The following RPRD1A variants were observed in gnomAD, a reference collection of about 807,000 sequenced individuals.
RPRD1A encodes the protein regulation of nuclear pre-mRNA domain containing 1A, also known as regulation of nuclear pre-mRNA domain-containing protein 1A.
A neutral mutation model predicts 37.8 loss-of-function variants in RPRD1A; 9 were observed. The ratio of observed to expected loss-of-function variants is 0.24; its 90% CI spans 0.14 to 0.42. RPRD1A has a LOEUF of 0.42. Among genes scored for constraint, RPRD1A ranks in the 10% least tolerant of loss-of-function variants. The probability of loss-of-function intolerance (pLI) is 1.00; values close to 1 mark genes in which losing one functional copy is unlikely to be tolerated. For missense variants in RPRD1A, 255 were observed against 371.0 expected (o/e 0.69, Z 2.57); for synonymous variants, 138 against 139.7 (o/e 0.99, Z 0.08).
At chr18:36,019,604 T>G (rs1046933266) in intron 6 of RPRD1A, among the ~76,000 whole-genome samples, 1 of 152,156 alleles carries the variant, frequency 6.6e-6, no homozygotes, top group Admixed American at 6.5e-5. Context: ...AATTAAGACA[T>G]AAAAAGTCTT....
intron 6 of RPRD1A, among the ~76,000 whole-genome samples, chr18:35,994,527 G>A (rs1292887252): frequency 1.3e-5 from 2 of 152,220 alleles, no homozygotes; most frequent in East Asian, 1.9e-4. Context: ...TGAGGGTTCA[G>A]GCTTCATAAG....
chr18:36,058,182 A>G (rs1164110144), intron 1 of RPRD1A, among the ~76,000 whole-genome samples: 3 of 152,136 alleles, frequency 2.0e-5, no homozygotes, highest in Non-Finnish European at 4.4e-5. Flanking sequence ...AGCTGGGACT[A>G]CAGTCATGCA....
intron 6 of RPRD1A, among the ~76,000 whole-genome samples, chr18:35,998,839 G>A (rs991664738): frequency 6.6e-6 from 1 of 152,194 alleles, no homozygotes; most frequent in Non-Finnish European, 1.5e-5. Flanking sequence ...AAGGGCAGAA[G>A]CCTTCTTTAC....
At chr18:36,059,489 A>G (rs1438374096) in intron 1 of RPRD1A, among the ~76,000 whole-genome samples, 4 of 152,194 alleles carry the variant, frequency 2.6e-5, no homozygotes, top group Non-Finnish European at 5.9e-5. Flanking sequence ...TTAGTATTAT[A>G]GTTTTAAAAC....
chr18:36,009,661 AT>A (rs1244623880), intron 6 of RPRD1A, among the ~76,000 whole-genome samples: 22 of 152,298 alleles, frequency 1.4e-4, no homozygotes, highest in African/African-American at 4.8e-4. Flanking sequence ...ATCAATACTT[AT>A]CTTTTTGGCA....
intron 6 of RPRD1A, 85 bp from the exon 7 acceptor site, chr18:35,993,385 T>C (rs1908829346): frequency 7.4e-6 from 10 of 1,344,382 alleles, no homozygotes; most frequent in Admixed American, 6.8e-5. Context: ...CCAGGTACTA[T>C]ATATACTCAG....
rs532266266 is a variant in RPRD1A, at chr18:36,026,695, T to C, written c.789+205A>G. ...TTTTAAATGCAATCAATTTTGCTAATTCCAAATTTCTAAGTTTACTTGCAA... is the reference window on the plus strand; with the variant it reads ...TTTTAAATGCAATCAATTTTGCTAACTCCAAATTTCTAAGTTTACTTGCAA... On this transcript the variant is annotated intron_variant, in intron 6 of 6. Coordinates refer to ENST00000399022, the MANE Select transcript of RPRD1A (RefSeq NM_018170.5). 2.1e-5 allele frequency: 9 copies of C among 426,774 alleles called. No individual in the cohort carries two copies. The East Asian group carries it at 2.9e-4, about 14-fold the overall frequency. The allele number at this position is 426,774 out of a possible 1,614,324, so 26.4% of individuals were successfully genotyped here. A position where few individuals can be genotyped will look rare whatever the true frequency, so the allele number is the denominator to read the frequency against.
Position 36,030,971 on chromosome 18 carries a change from G to C in RPRD1A, c.388+20C>G. On this transcript the variant is annotated intron_variant, in intron 3 of 6. Transcript: ENST00000399022. ...TTTTAATGAAGAGATCAAGGTAAGA[G>C]ATCAGGATTCTACACTTACACAGAG... The C allele has an allele frequency of 1.3e-6, 2 of 1,595,092 alleles. No individual in the cohort carries two copies. The highest frequency in any genetic ancestry group is 1.7e-6 in the Non-Finnish European group (2 of 1,169,602).
chr18:36,007,755 C>T (rs1406760746), intron 6 of RPRD1A, among the ~76,000 whole-genome samples: 10 of 151,832 alleles, frequency 6.6e-5, no homozygotes, highest in African/African-American at 2.4e-4. Context: ...CTGGCCAACA[C>T]GGTGAAACCC....
chr18:36,032,000 C>G (rs1042311066), intron 2 of RPRD1A, among the ~76,000 whole-genome samples: 15 of 152,176 alleles, frequency 9.9e-5, no homozygotes, highest in African/African-American at 3.4e-4. Context: ...TTTTTTCGGC[C>G]ACATATTCTC....
At chr18:36,014,150 T>G (rs1910349594) in intron 6 of RPRD1A, among the ~76,000 whole-genome samples, 1 of 152,228 alleles carries the variant, frequency 6.6e-6, no homozygotes, top group Non-Finnish European at 1.5e-5. Flanking sequence ...TATAAATTTC[T>G]ATTACTGCCA....
At chr18:36,016,635 A>C (rs1910598821) in intron 6 of RPRD1A, among the ~76,000 whole-genome samples, 1 of 151,988 alleles carries the variant, frequency 6.6e-6, no homozygotes, top group Admixed American at 6.5e-5. Flanking sequence ...ATAAGCCAAA[A>C]CTTAGTTGAA....
Position 35,993,129 on chromosome 18 carries a change from G to A in RPRD1A, c.*22C>T. On this transcript the variant is annotated 3_prime_UTR_variant, in exon 7 of 7. Coordinates refer to ENST00000399022, the MANE Select transcript of RPRD1A (RefSeq NM_018170.5). ...GTCTCCATCTCTTGCAAAGTCCTGG[G>A]ACCTGGAAAGAGGCTGGTCCATCAA... The A allele has an allele frequency of 6.2e-7, 1 of 1,610,440 alleles. No individual in the cohort carries two copies. Among genetic ancestry groups the A allele is most frequent in the Non-Finnish European group, 8.5e-7 (1 of 1,178,100 alleles).
chr18:36,018,757 TAGAA>T (rs1406015814), intron 6 of RPRD1A, among the ~76,000 whole-genome samples: 1 of 151,892 alleles, frequency 6.6e-6, no homozygotes, highest in Non-Finnish European at 1.5e-5. Context: ...AAAGTATTAA[TAGAA>T]AGAATATGGA....
chr18:36,040,839 G>C, intron 1 of RPRD1A: 1 of 1,522,828 alleles, frequency 6.6e-7, no homozygotes, highest in Non-Finnish European at 8.8e-7. Flanking sequence ...TCTCCAATTG[G>C]AATTTCTCAT....
chr18:36,064,442 T>G (rs1049974258), intron 1 of RPRD1A: 7 of 152,336 alleles, frequency 4.6e-5, no homozygotes, highest in Admixed American at 4.6e-4. Flanking sequence ...CTTTTCTGTC[T>G]AGCTAAAGGA....
intron 6 of RPRD1A, among the ~76,000 whole-genome samples, chr18:36,015,989 A>G (rs1303588728): frequency 6.6e-6 from 1 of 152,206 alleles, no homozygotes; most frequent in Non-Finnish European, 1.5e-5. Flanking sequence ...TAAAACAGTA[A>G]AATAAAACTA....
At chr18:36,061,532 C>A (rs897832025) in intron 1 of RPRD1A, among the ~76,000 whole-genome samples, 2 of 152,142 alleles carry the variant, frequency 1.3e-5, no homozygotes, top group African/African-American at 4.8e-5. Context: ...TAGAAAAGAG[C>A]CCAAATGTTA....
At chr18:36,031,206 A>G in intron 2 of RPRD1A, 109 bp from the exon 3 acceptor site, 5 of 1,323,892 alleles carry the variant, frequency 3.8e-6, no homozygotes, top group Non-Finnish European at 5.0e-6. Flanking sequence ...CATTCCCTGG[A>G]AAAAACTGTC....
Sources: allele counts gnomAD v4.1 joint callset (sites outside exome capture counted in the v4.1 genomes callset), GRCh38; gene constraint gnomAD v4.1.1; transcripts MANE v1.5; gene names NCBI Gene and HGNC (gene_info 2026-07-23, HGNC 2026-07-21).